ZC4H2: variants seen among roughly 807,000 people sequenced by gnomAD.
The protein encoded by ZC4H2 is zinc finger C4H2 domain-containing protein.
For synonymous variants in ZC4H2, 84 were observed against 66.3 expected (o/e 1.27, Z -1.30); for missense variants, 137 against 173.9 (o/e 0.79, Z 1.19).
chrX:64,925,300 C>A (rs1302288809), intron 1 of ZC4H2, among the ~76,000 whole-genome samples: 6 of 111,841 alleles, frequency 5.4e-5, no homozygotes, highest in South Asian at 3.7e-4. Flanking sequence ...TGAAAAATTA[C>A]CTATTGGGTA....
chrX:64,959,588 A>T (rs1931295866), intron 1 of ZC4H2, among the ~76,000 whole-genome samples: 1 of 108,648 alleles, frequency 9.2e-6, no homozygotes, highest in South Asian at 4.1e-4. Flanking sequence ...TCTTCTTCAT[A>T]CAAAATAGCT....
intron 1 of ZC4H2, among the ~76,000 whole-genome samples, chrX:65,012,150 C>T (rs10156979): frequency 0.14 from 13,631 of 99,027 alleles, 2,612 homozygotes; most frequent in African/African-American, 0.48. Context: ...ATCACTTGAA[C>T]CTGGGAGGCA....
intron 1 of ZC4H2, among the ~76,000 whole-genome samples, chrX:65,021,270 T>G (rs1932834529): frequency 9.0e-6 from 1 of 110,855 alleles, no homozygotes; most frequent in Non-Finnish European, 1.9e-5. Flanking sequence ...ACCACTTAAA[T>G]GGAAGTAAAA....
rs1464281272 is a variant in ZC4H2, at chrX:64,917,001, C to A, written c.*782G>T. ...CTCAGCCTAAGGAAGCCCCTACAGC[C>A]GAGCCCTCAGCCCTAATGACTTAGG... On this transcript the variant is annotated 3_prime_UTR_variant, in exon 5 of 5. Transcript: ENST00000374839. 8.9e-6 allele frequency: 1 copy of A among 112,100 alleles called. No homozygotes were observed. Among genetic ancestry groups the A allele is most frequent in the African/African-American group, 3.3e-5 (1 of 30,718 alleles). The allele number at this position is 112,100 out of a possible 1,213,427, so 9.2% of individuals were successfully genotyped here. A position where few individuals can be genotyped will look rare whatever the true frequency, so the allele number is the denominator to read the frequency against.
chrX:64,992,048 G>A (rs1335816071), intron 1 of ZC4H2, among the ~76,000 whole-genome samples: 1 of 111,247 alleles, frequency 9.0e-6, no homozygotes, highest in South Asian at 3.8e-4. Flanking sequence ...CTTCTTAATG[G>A]GTATGAGGTA....
intron 1 of ZC4H2, among the ~76,000 whole-genome samples, chrX:64,923,085 CAG>C (rs776715777): frequency 1.3e-4 from 14 of 111,967 alleles, no homozygotes; most frequent in Non-Finnish European, 2.6e-4. Flanking sequence ...AGTTAATACA[CAG>C]AGGTGTACTT....
intron 1 of ZC4H2, among the ~76,000 whole-genome samples, chrX:64,953,261 G>A (rs1038887144): frequency 8.9e-6 from 1 of 111,909 alleles, no homozygotes; most frequent in African/African-American, 3.3e-5. Context: ...ACAGGCATGG[G>A]CAAGGACTTC....
chrX:64,919,223 C>G lies in ZC4H2; in HGVS notation c.399-19G>C. The G allele has an allele frequency of 8.3e-7, 1 of 1,209,024 alleles. No individual in the cohort carries two copies. The highest frequency in any genetic ancestry group is 1.1e-6 in the Non-Finnish European group (1 of 893,876). On this transcript the variant is annotated intron_variant, in intron 3 of 4. Coordinates refer to ENST00000374839, the MANE Select transcript of ZC4H2 (RefSeq NM_018684.4). ...AAAGTAACTTTGGAGATGAGAGACA[C>G]TGGCTAGATCATTCTGAAAGCAATG...
intron 1 of ZC4H2, among the ~76,000 whole-genome samples, chrX:65,024,458 A>G (rs967629287): frequency 3.6e-5 from 4 of 111,688 alleles, no homozygotes; most frequent in Admixed American, 1.9e-4. Flanking sequence ...GCCCCTGTGG[A>G]AAACAGCTTA....
At chrX:64,952,837 G>C (rs939113251) in intron 1 of ZC4H2, among the ~76,000 whole-genome samples, 1 of 110,885 alleles carries the variant, frequency 9.0e-6, no homozygotes, top group Non-Finnish European at 1.9e-5. Flanking sequence ...AGTTCATATG[G>C]AACCAAAAAA....
At chrX:64,939,574 A>C (rs779048861) in intron 1 of ZC4H2, among the ~76,000 whole-genome samples, 1 of 112,125 alleles carries the variant, frequency 8.9e-6, no homozygotes, top group Non-Finnish European at 1.9e-5. Flanking sequence ...ACTGCATGCT[A>C]CTGGTACCAA....
intron 1 of ZC4H2, among the ~76,000 whole-genome samples, chrX:64,975,737 T>A (rs1014494852): frequency 7.2e-5 from 8 of 110,949 alleles, no homozygotes; most frequent in Non-Finnish European, 1.1e-4. Context: ...AGCGACCGCG[T>A]CCCCAGTCCC....
intron 1 of ZC4H2, among the ~76,000 whole-genome samples, chrX:65,032,510 T>A (rs1358896799): frequency 2.7e-5 from 3 of 111,679 alleles, no homozygotes; most frequent in Non-Finnish European, 5.6e-5. Context: ...ATTTCCACAT[T>A]CATAATTGTA....
At chrX:64,918,794 G>T (rs1929046133) in intron 4 of ZC4H2, 1 of 284,617 alleles carries the variant, frequency 3.5e-6, no homozygotes, top group South Asian at 1.8e-4. Flanking sequence ...CTAACTTTTA[G>T]AATTGCACTC....
intron 1 of ZC4H2, among the ~76,000 whole-genome samples, chrX:64,993,793 TAAG>T (rs1932356880): frequency 8.9e-6 from 1 of 112,342 alleles, no homozygotes; most frequent in Non-Finnish European, 1.9e-5. Context: ...TTCAGAATAA[TAAG>T]AAGAAATGTT....
At chrX:64,927,388 T>A (rs1929475701) in intron 1 of ZC4H2, among the ~76,000 whole-genome samples, 1 of 111,203 alleles carries the variant, frequency 9.0e-6, no homozygotes, top group African/African-American at 3.3e-5. Context: ...AGTGTTTAGT[T>A]TTCTGTTCCT....
At chrX:64,947,749 G>A (rs914366188) in intron 1 of ZC4H2, among the ~76,000 whole-genome samples, 16 of 111,612 alleles carry the variant, frequency 1.4e-4, no homozygotes, top group Non-Finnish European at 2.6e-4. Flanking sequence ...CCACTGATAC[G>A]CTGCTGAGTG....
At chrX:64,944,126 AT>A (rs1441004781) in intron 1 of ZC4H2, among the ~76,000 whole-genome samples, 2 of 101,244 alleles carry the variant, frequency 2.0e-5, no homozygotes, top group East Asian at 3.0e-4. Context: ...CTGGGTTAAA[AT>A]TTTTTTCTTT....
At chrX:65,006,907 CATG>C (rs1932673658) in intron 1 of ZC4H2, among the ~76,000 whole-genome samples, 1 of 112,147 alleles carries the variant, frequency 8.9e-6, no homozygotes, top group South Asian at 3.6e-4. Context: ...TTTCCAGTTA[CATG>C]ATATTTATTT....
Sources: allele counts gnomAD v4.1 joint callset (sites outside exome capture counted in the v4.1 genomes callset), GRCh38; gene constraint gnomAD v4.1.1; transcripts MANE v1.5; gene names NCBI Gene and HGNC (gene_info 2026-07-23, HGNC 2026-07-21).